Variants in PCDH11X observed in about 807,000 individuals in gnomAD.
The protein encoded by PCDH11X is protocadherin 11 X-linked.
PCDH11X carries 18 observed loss-of-function variants against 53.3 expected under a neutral mutation model. The ratio of observed to expected loss-of-function variants is 0.34; its 90% CI spans 0.23 to 0.50. PCDH11X has a LOEUF of 0.50. PCDH11X is among the 20% of genes least tolerant of loss of function. PCDH11X has a pLI of 0.98. For synonymous variants in PCDH11X, 279 were observed against 393.3 expected, an observed-to-expected ratio of 0.71 and a Z score of 3.44; for missense variants, 570 against 1,032.4, an observed-to-expected ratio of 0.55 and a Z score of 6.14.
intron 4 of PCDH11X, among the ~76,000 whole-genome samples, chrX:91,822,758 A>G (rs1337231830): frequency 8.1e-5 from 9 of 110,874 alleles, no homozygotes; most frequent in Non-Finnish European, 1.1e-4. Flanking sequence ...TCTTTTAATT[A>G]TGATACTAGG....
intron 10 of PCDH11X, among the ~76,000 whole-genome samples, chrX:92,592,635 G>A (rs1925149367): frequency 9.0e-6 from 1 of 111,176 alleles, no homozygotes; most frequent in African/African-American, 3.3e-5. Flanking sequence ...GGAGGCTGAG[G>A]CAGGAGAATC....
chrX:92,168,567 C>T (rs756966817), intron 6 of PCDH11X, among the ~76,000 whole-genome samples: 9 of 109,211 alleles, frequency 8.2e-5, no homozygotes, highest in East Asian at 2.9e-4. Context: ...AAACAAAACA[C>T]GAAAAACCCC....
At chrX:92,613,468 T>C (rs1927595758) in intron 10 of PCDH11X, among the ~76,000 whole-genome samples, 2 of 110,555 alleles carry the variant, frequency 1.8e-5, no homozygotes, top group Non-Finnish European at 3.8e-5. Context: ...AGTTCACTGT[T>C]AGCCTGATGG....
chrX:92,015,537 A>G (rs1197840953), intron 6 of PCDH11X, among the ~76,000 whole-genome samples: 4 of 112,567 alleles, frequency 3.6e-5, no homozygotes, highest in Non-Finnish European at 5.6e-5. Flanking sequence ...TTTGTTGTCA[A>G]TTCAACAATG....
chrX:92,444,137 A>G (rs1318423843), intron 9 of PCDH11X, among the ~76,000 whole-genome samples: 4 of 109,698 alleles, frequency 3.6e-5, no homozygotes, highest in Non-Finnish European at 5.7e-5. Flanking sequence ...GGCCATATTA[A>G]TGTATTAAGT....
chrX:92,143,463 G>A (rs1003839173), intron 6 of PCDH11X, among the ~76,000 whole-genome samples: 12 of 112,483 alleles, frequency 1.1e-4, no homozygotes, highest in East Asian at 2.8e-4. Context: ...CTCTCTAGTC[G>A]TGGCTGAAAG....
chrX:92,046,031 C>A (rs770218106), intron 6 of PCDH11X, among the ~76,000 whole-genome samples: 1 of 111,081 alleles, frequency 9.0e-6, no homozygotes, highest in Non-Finnish European at 1.9e-5. Flanking sequence ...GTATTTCTAA[C>A]CATTGCTACT....
At chrX:91,908,993 A>G (rs1941284937) in intron 6 of PCDH11X, among the ~76,000 whole-genome samples, 1 of 111,035 alleles carries the variant, frequency 9.0e-6, no homozygotes, top group African/African-American at 3.3e-5. Context: ...CATATACCCA[A>G]AGGAATATAA....
intron 9 of PCDH11X, among the ~76,000 whole-genome samples, chrX:92,465,692 A>T (rs1392648093): frequency 9.0e-6 from 1 of 111,411 alleles, no homozygotes. Flanking sequence ...TTTTAGGAAT[A>T]TAAAGGAGAT....
intron 5 of PCDH11X, among the ~76,000 whole-genome samples, chrX:91,842,692 T>C (rs1186659157): frequency 9.4e-6 from 1 of 106,432 alleles, no homozygotes; most frequent in East Asian, 2.9e-4. Context: ...TGCACATATC[T>C]CTATACTTGC....
chrX:91,796,100 T>G (rs1935724655), intron 1 of PCDH11X, among the ~76,000 whole-genome samples: 1 of 111,930 alleles, frequency 8.9e-6, no homozygotes, highest in Admixed American at 9.5e-5. Context: ...CAAGTTTGGT[T>G]AAGTGCAAGG....
intron 6 of PCDH11X, among the ~76,000 whole-genome samples, chrX:92,194,820 G>C (rs1396021601): frequency 4.5e-5 from 5 of 111,069 alleles, no homozygotes; most frequent in African/African-American, 1.6e-4. Context: ...GAAACATTAA[G>C]AGATTTTGCA....
At chrX:92,417,915 G>A (rs2071858135) in intron 9 of PCDH11X, among the ~76,000 whole-genome samples, 1 of 97,384 alleles carries the variant, frequency 1.0e-5, no homozygotes, top group Admixed American at 1.2e-4. Context: ...CCGACTCCTA[G>A]CAGATTGGTT....
intron 7 of PCDH11X, among the ~76,000 whole-genome samples, chrX:92,227,639 T>G (rs938561747): frequency 9.0e-6 from 1 of 111,621 alleles, no homozygotes; most frequent in African/African-American, 3.3e-5. Flanking sequence ...TATATTTCTG[T>G]GTTTCTATTT....
intron 1 of PCDH11X, among the ~76,000 whole-genome samples, chrX:91,804,356 G>GA (rs1036430941): frequency 1.9e-5 from 2 of 106,204 alleles, no homozygotes; most frequent in Non-Finnish European, 3.9e-5. Flanking sequence ...GAGGAAGTGA[G>GA]AAAAAAATAA....
intron 7 of PCDH11X, among the ~76,000 whole-genome samples, chrX:92,245,168 C>T (rs908728183): frequency 2.7e-5 from 3 of 112,657 alleles, no homozygotes; most frequent in Non-Finnish European, 3.8e-5. Context: ...ACGCCTGAGG[C>T]GGATGAGCCT....
intron 10 of PCDH11X, among the ~76,000 whole-genome samples, chrX:92,536,518 G>GT (rs779937258): frequency 9.0e-6 from 1 of 110,673 alleles, no homozygotes; most frequent in Non-Finnish European, 1.9e-5. Flanking sequence ...GCATTTTTAA[G>GT]TTTTTGTGGA....
intron 7 of PCDH11X, among the ~76,000 whole-genome samples, chrX:92,252,273 G>T (rs2067475877): frequency 9.1e-6 from 1 of 110,102 alleles, no homozygotes; most frequent in Admixed American, 9.7e-5. Context: ...CTCAGTCATA[G>T]GACCTATGTA....
intron 6 of PCDH11X, among the ~76,000 whole-genome samples, chrX:92,151,510 G>A (rs1420727523): frequency 9.0e-6 from 1 of 111,394 alleles, no homozygotes; most frequent in Admixed American, 9.6e-5. Flanking sequence ...TTAAAAATAC[G>A]AATAGATGAA....
Sources: gnomAD v4.1 joint callset for allele counts (sites outside exome capture counted in the v4.1 genomes callset) on GRCh38, gnomAD v4.1.1 for gene constraint, MANE v1.5 for transcripts, NCBI Gene and HGNC (gene_info 2026-07-23, HGNC 2026-07-21) for gene names.